The following AMPH variants were observed in gnomAD, a reference collection of about 807,000 sequenced individuals.
AMPH encodes amphiphysin (Stiff-Mann syndrome with breast cancer 128kD autoantigen).
AMPH carries 49 observed loss-of-function variants against 99.1 expected under a neutral mutation model. That is an observed-to-expected ratio of 0.49 (90% CI 0.39 to 0.63). The LOEUF (loss-of-function observed/expected upper bound fraction) is 0.63. AMPH is among the 20% of genes least tolerant of loss of function. AMPH has a pLI of 0.00. For missense variants in AMPH, 759 were observed against 863.4 expected, an observed-to-expected ratio of 0.88 and a Z score of 1.52; for synonymous variants, 314 against 317.3, an observed-to-expected ratio of 0.99 and a Z score of 0.11.
chr7:38,600,789 C>T (rs1404621347), intron 1 of AMPH, among the ~76,000 whole-genome samples: 2 of 152,204 alleles, frequency 1.3e-5, no homozygotes, highest in Non-Finnish European at 2.9e-5. Context: ...GATTTGGTAT[C>T]TGCATTCATG....
At chr7:38,389,947 G>C in intron 19 of AMPH, 42 bp from the exon 20 acceptor site, 10 of 1,457,632 alleles carry the variant, frequency 6.9e-6, no homozygotes, top group Admixed American at 3.3e-5. Flanking sequence ...TTCCCAGCCA[G>C]ATTTCAAGCA....
At chr7:38,467,706 A>G (rs1787716878) in intron 7 of AMPH, among the ~76,000 whole-genome samples, 1 of 143,194 alleles carries the variant, frequency 7.0e-6, no homozygotes, top group African/African-American at 2.6e-5. Flanking sequence ...GTATATATAT[A>G]TATTAGAAAT....
intron 11 of AMPH, among the ~76,000 whole-genome samples, chr7:38,444,245 T>C (rs138178589): frequency 2.4e-4 from 37 of 152,304 alleles, no homozygotes; most frequent in Admixed American, 1.0e-3. Flanking sequence ...CATTGATCTA[T>C]AGACTCGGTG....
chr7:38,485,061 G>A (rs1386463171), intron 5 of AMPH, among the ~76,000 whole-genome samples: 1 of 151,680 alleles, frequency 6.6e-6, no homozygotes, highest in East Asian at 1.9e-4. Context: ...GAGGAAAAGA[G>A]GAACAAATGA....
In AMPH at chr7:38,610,326, GAAAAGAAAAAA is replaced by G. The variant is rs1562860447; in HGVS notation, c.69+20946_69+20956del. ...GAAAAGAAAAGAAAAGAAAAGAAAA[GAAAAGAAAAAA>G]GAAAAGAAAAGAAAAGAAAAGAAAA... On this transcript the variant is annotated intron_variant, in intron 1 of 20. Coordinates refer to ENST00000356264, the MANE Select transcript of AMPH (RefSeq NM_001635.4). Among the ~76,000 whole-genome samples, 8 of 27,356 alleles carry G rather than the reference GAAAAGAAAAAA, an allele frequency of 2.9e-4. 1 individual carries two copies. The highest frequency in any genetic ancestry group is 3.6e-4 in the Non-Finnish European group (5 of 13,784). 17.9% of individuals were successfully genotyped at this position (27,356 alleles called of 152,430 possible).
chr7:38,386,304 AT>A (rs975901340), intron 20 of AMPH, among the ~76,000 whole-genome samples: 7 of 152,200 alleles, frequency 4.6e-5, no homozygotes, highest in Non-Finnish European at 7.4e-5. Context: ...ATAAAAGGTC[AT>A]TTTTCCCCCA....
intron 4 of AMPH, among the ~76,000 whole-genome samples, chr7:38,493,961 C>A (rs1788825159): frequency 6.6e-6 from 1 of 152,072 alleles, no homozygotes; most frequent in African/African-American, 2.4e-5. Flanking sequence ...CTTCACTTTT[C>A]TTTTATTTTC....
chr7:38,531,783 C>G (rs963200558), intron 2 of AMPH, among the ~76,000 whole-genome samples: 1 of 152,066 alleles, frequency 6.6e-6, no homozygotes, highest in Non-Finnish European at 1.5e-5. Context: ...TCATTTTATA[C>G]TATCAATAGT....
rs926030430 is a variant in AMPH, at chr7:38,440,056, A to G, written c.1018-3668T>C. On this transcript the variant is annotated intron_variant, in intron 11 of 20. Coordinates refer to ENST00000356264, the MANE Select transcript of AMPH (RefSeq NM_001635.4). The stretch of plus-strand genomic sequence containing the variant: ...TTGGTTGGTTTGTATTCCGCCATTC[A>G]CCGTGAAAAGTAGAGCCTTGCATAG... Among the ~76,000 whole-genome samples, 2 of 152,212 alleles carry G rather than the reference A, an allele frequency of 1.3e-5. 1 individual carries two copies. Among genetic ancestry groups the G allele is most frequent in the Admixed American group, 1.3e-4 (2 of 15,276 alleles).
intron 5 of AMPH, among the ~76,000 whole-genome samples, chr7:38,480,437 G>A (rs887568000): frequency 7.9e-5 from 12 of 152,054 alleles, no homozygotes; most frequent in African/African-American, 2.2e-4. Flanking sequence ...TCTCAGTCTC[G>A]GTTAGTGCTT....
chr7:38,502,325 C>T (rs1314769540), intron 3 of AMPH, among the ~76,000 whole-genome samples: 1 of 152,136 alleles, frequency 6.6e-6, no homozygotes. Context: ...CTTTGCACAG[C>T]GATGCATAGC....
Position 38,422,414 on chromosome 7 carries a change from A to C in AMPH, c.1272+7T>G. The C allele has an allele frequency of 6.2e-7, 1 of 1,612,442 alleles. No homozygotes were observed. The highest frequency in any genetic ancestry group is 1.1e-5 in the South Asian group (1 of 90,936). ...CTTCCTGAGAGCACAAACCCAAATC[A>C]ACTTACCAAGTTGCAGATCATACTC... is the stretch of plus-strand genomic sequence containing the variant. On this transcript the variant is annotated splice_region_variant and intron_variant, in intron 16 of 20. Coordinates refer to ENST00000356264, the MANE Select transcript of AMPH (RefSeq NM_001635.4).
Position 38,391,788 on chromosome 7 carries a change from C to T in AMPH, c.1838G>A (p.Arg613Lys). 1 of 1,613,978 alleles carries T rather than the reference C, an allele frequency of 6.2e-7. No individual in the cohort carries two copies. The highest frequency in any genetic ancestry group is 8.5e-7 in the Non-Finnish European group (1 of 1,179,990). Residue 613 changes from arginine to lysine, a missense_variant, in exon 19 of 21, where the codon AGG becomes AAG. Coordinates refer to ENST00000356264, the MANE Select transcript of AMPH (RefSeq NM_001635.4). The part of the protein sequence containing the change: ...MGAADQLASA[R>K]EASQELPPGF... ...AGGAGGCAATTCCTGAGAGGCCTCC[C>T]TTGCAGATGCTAGCTGGTCAGCAGC...
chr7:38,509,032 C>T (rs986445557), intron 2 of AMPH, among the ~76,000 whole-genome samples: 1 of 152,114 alleles, frequency 6.6e-6, no homozygotes, highest in Admixed American at 6.5e-5. Context: ...AGTTCAGGTG[C>T]TGTTAAATGG....
chr7:38,497,627 C>T (rs189357497), intron 3 of AMPH, among the ~76,000 whole-genome samples: 10 of 152,254 alleles, frequency 6.6e-5, no homozygotes, highest in African/African-American at 2.4e-4. Flanking sequence ...AAATAAATTA[C>T]GATGATAACA....
chr7:38,517,772 A>C (rs751037808), intron 2 of AMPH, among the ~76,000 whole-genome samples: 1 of 152,334 alleles, frequency 6.6e-6, no homozygotes, highest in South Asian at 2.1e-4. Flanking sequence ...TCACAGCCTG[A>C]CTATGTAAAG....
chr7:38,424,120 A>G (rs183929640), intron 15 of AMPH, among the ~76,000 whole-genome samples: 198 of 151,602 alleles, frequency 1.3e-3, no homozygotes, highest in African/African-American at 4.4e-3. Context: ...AGCCCAAAGG[A>G]AAAAAAATGC....
At chr7:38,417,436 T>G (rs1348916092) in intron 17 of AMPH, among the ~76,000 whole-genome samples, 5 of 152,218 alleles carry the variant, frequency 3.3e-5, no homozygotes, top group Non-Finnish European at 7.3e-5. Context: ...AAACTAATAT[T>G]GTAAGTAATC....
chr7:38,551,577 T>A (rs1791183957), intron 1 of AMPH, among the ~76,000 whole-genome samples: 1 of 152,180 alleles, frequency 6.6e-6, no homozygotes, highest in South Asian at 2.1e-4. Flanking sequence ...GAAGAAACTT[T>A]CATTTTGTAT....
Sources: allele counts gnomAD v4.1 joint callset (sites outside exome capture counted in the v4.1 genomes callset), GRCh38; gene constraint gnomAD v4.1.1; transcripts MANE v1.5; gene names NCBI Gene and HGNC (gene_info 2026-07-23, HGNC 2026-07-21).